Variants in ME2 observed in about 807,000 individuals in gnomAD.
The protein encoded by ME2 is NAD-dependent malic enzyme, mitochondrial.
Under a neutral mutation model 73.7 loss-of-function variants are expected in ME2, and 60 were observed. The observed-to-expected ratio is 0.81, with a 90% CI of 0.66 to 1.01. The LOEUF (loss-of-function observed/expected upper bound fraction) is 1.01, where lower values mean the gene tolerates loss of function less well. Ranked by LOEUF, ME2 falls within the 50% of genes least tolerant of loss-of-function variation. The probability of loss-of-function intolerance (pLI) is 0.00; values close to 1 mark genes in which losing one functional copy is unlikely to be tolerated. For synonymous variants in ME2, 199 were observed against 236.9 expected (o/e 0.84, Z 1.47); for missense variants, 594 against 705.5 (o/e 0.84, Z 1.79).
chr18:50,898,884 A>G (rs1381670363), intron 2 of ME2, among the ~76,000 whole-genome samples: 1 of 152,218 alleles, frequency 6.6e-6, no homozygotes, highest in East Asian at 1.9e-4. Context: ...TGTAAATAAT[A>G]TAGGTAATAG....
At chr18:50,943,217 C>T (rs1433228120) in intron 15 of ME2, among the ~76,000 whole-genome samples, 1 of 152,224 alleles carries the variant, frequency 6.6e-6, no homozygotes, top group Middle Eastern at 3.4e-3. Context: ...TTAGGATTGA[C>T]TGTGGAATTT....
At chr18:50,914,923 T>C (rs1317760578) in intron 4 of ME2, among the ~76,000 whole-genome samples, 1 of 152,216 alleles carries the variant, frequency 6.6e-6, no homozygotes, top group African/African-American at 2.4e-5. Context: ...GGTAACAATA[T>C]ACTGTGTCTA....
chr18:50,946,339 G>T (rs1918082165), intron 15 of ME2, among the ~76,000 whole-genome samples: 1 of 152,106 alleles, frequency 6.6e-6, no homozygotes, highest in Admixed American at 6.6e-5. Flanking sequence ...ACTGTTGAGG[G>T]TCTAATATCT....
chr18:50,905,119 T>G (rs1340008457), intron 2 of ME2, among the ~76,000 whole-genome samples: 1 of 152,102 alleles, frequency 6.6e-6, no homozygotes, highest in Non-Finnish European at 1.5e-5. Flanking sequence ...CTCGAGTAGC[T>G]GGGACTACAG....
intron 1 of ME2, among the ~76,000 whole-genome samples, chr18:50,884,947 C>T (rs1324785525): frequency 2.0e-5 from 3 of 151,822 alleles, no homozygotes; most frequent in African/African-American, 4.8e-5. Flanking sequence ...CGCCGCCTCT[C>T]GGGTTCAAGC....
At chr18:50,908,387 TAAC>T (rs1917066158) in intron 3 of ME2, among the ~76,000 whole-genome samples, 191 bp downstream of exon 3, 3 of 152,206 alleles carry the variant, frequency 2.0e-5, no homozygotes, top group African/African-American at 7.2e-5. Context: ...TTGTAAAACT[TAAC>T]AAATTAGTTT....
At chr18:50,900,644 A>G (rs1306762149) in intron 2 of ME2, among the ~76,000 whole-genome samples, 1 of 152,106 alleles carries the variant, frequency 6.6e-6, no homozygotes, top group Non-Finnish European at 1.5e-5. Flanking sequence ...GCTCTGCATC[A>G]CCACCCAAAT....
intron 13 of ME2, among the ~76,000 whole-genome samples, chr18:50,937,525 C>G (rs899739607): frequency 1.6e-4 from 25 of 151,954 alleles, no homozygotes; most frequent in African/African-American, 5.8e-4. Flanking sequence ...TGAAGAAAGT[C>G]TCTTTATTAA....
intron 15 of ME2, among the ~76,000 whole-genome samples, chr18:50,941,970 G>A (rs1374496987): frequency 1.3e-5 from 2 of 151,730 alleles, no homozygotes; most frequent in African/African-American, 2.4e-5. Flanking sequence ...TTGCTGTGGT[G>A]CAGATATTTT....
At position 50,948,200 on chromosome 18, in the gene ME2, G is replaced by A. The variant is rs1310967363; in HGVS notation, c.*1016G>A. 6.6e-6 allele frequency: 1 copy of A among 152,160 alleles called. No individual in the cohort carries two copies. Among genetic ancestry groups the A allele is most frequent in the East Asian group, 1.9e-4 (1 of 5,190 alleles). 9.4% of individuals were successfully genotyped at this position (152,160 alleles called of 1,614,324 possible). ...GACAACTCTTTCTCCATTGAAGGCA[G>A]ACTTAATTTTTTTAAACCACCAACA... On this transcript the variant is annotated 3_prime_UTR_variant, in exon 16 of 16. Transcript: ENST00000321341.
At chr18:50,939,801 AT>A (rs1201650364) in intron 14 of ME2, 161 bp downstream of exon 14, 4 of 561,600 alleles carry the variant, frequency 7.1e-6, no homozygotes, top group Admixed American at 6.3e-5. Context: ...CATAAAATTA[AT>A]TTTTTTAATC....
chr18:50,935,694 G>A (rs1917800736), intron 13 of ME2: 1 of 148,472 alleles, frequency 6.7e-6, no homozygotes. Flanking sequence ...CAAGGCTGGA[G>A]TGAGTCATGA....
intron 13 of ME2, 100 bp from the exon 14 acceptor site, chr18:50,939,470 C>T (rs962811163): frequency 1.0e-5 from 7 of 702,478 alleles, no homozygotes; most frequent in East Asian, 5.4e-5. Context: ...GAGCTGTTTG[C>T]GATGTGGATG....
At chr18:50,884,942 C>T (rs1331138627) in intron 1 of ME2, among the ~76,000 whole-genome samples, 1 of 152,082 alleles carries the variant, frequency 6.6e-6, no homozygotes, top group African/African-American at 2.4e-5. Context: ...GCAGCCGCCG[C>T]CTCTCGGGTT....
intron 2 of ME2, among the ~76,000 whole-genome samples, chr18:50,905,278 C>G (rs1916993575): frequency 6.6e-6 from 1 of 152,204 alleles, no homozygotes; most frequent in Non-Finnish European, 1.5e-5. Context: ...AGCCACCGCA[C>G]CTGGCAGTTC....
At chr18:50,900,663 G>C (rs1170006311) in intron 2 of ME2, among the ~76,000 whole-genome samples, 2 of 152,126 alleles carry the variant, frequency 1.3e-5, no homozygotes, top group African/African-American at 4.8e-5. Context: ...ATCTCATCTT[G>C]AATTTTAATA....
chr18:50,890,262 A>G (rs546173599), intron 1 of ME2, among the ~76,000 whole-genome samples: 4 of 152,012 alleles, frequency 2.6e-5, no homozygotes, highest in African/African-American at 9.7e-5. Flanking sequence ...CAAATTCAAT[A>G]TATTATTATT....
intron 2 of ME2, among the ~76,000 whole-genome samples, chr18:50,906,264 G>C (rs753101544): frequency 3.6e-4 from 54 of 151,952 alleles, no homozygotes; most frequent in Non-Finnish European, 1.0e-4. Context: ...CTCCTCCCAG[G>C]GTTTGTTGTA....
intron 13 of ME2, chr18:50,932,582 T>C: frequency 5.6e-6 from 2 of 355,722 alleles, no homozygotes; most frequent in East Asian, 1.0e-4. Flanking sequence ...AGAAATAATA[T>C]ATTGCATGAT....
Sources: allele counts gnomAD v4.1 joint callset (sites outside exome capture counted in the v4.1 genomes callset), GRCh38; gene constraint gnomAD v4.1.1; transcripts MANE v1.5; gene names NCBI Gene and HGNC (gene_info 2026-07-23, HGNC 2026-07-21).